Variants in PHACTR4 observed in about 807,000 individuals in gnomAD.
PHACTR4 encodes phosphatase and actin regulator 4.
Under a neutral mutation model 72.7 loss-of-function variants are expected in PHACTR4, and 51 were observed. The observed-to-expected ratio is 0.70, with a 90% CI of 0.56 to 0.89. The LOEUF is 0.89. PHACTR4 is among the 40% of genes least tolerant of loss of function. The pLI is 0.00. For missense variants in PHACTR4, 731 were observed against 861.8 expected (o/e 0.85, Z 1.90); for synonymous variants, 255 against 302.5 (o/e 0.84, Z 1.63).
At chr1:28,463,932 A>G (rs1402951251) in intron 4 of PHACTR4, among the ~76,000 whole-genome samples, 4 of 151,618 alleles carry the variant, frequency 2.6e-5, no homozygotes, top group South Asian at 2.1e-4. Context: ...GGGTCTTACT[A>G]TGTTTCGCAG....
rs1232823570 is a variant in PHACTR4, at chr1:28,438,416, A to G, written c.17-20669A>G. ...CAAGCTGATGTCTCCAGACCGGTAA[A>G]TCCAGATGCAGTTGGTGAGTAATAG... On this transcript the variant is annotated intron_variant, in intron 2 of 13. Transcript: ENST00000373839. 25 of 1,613,150 alleles carry G rather than the reference A, an allele frequency of 1.5e-5. No individual in the cohort carries two copies. Among genetic ancestry groups the G allele is most frequent in the Non-Finnish European group, 2.1e-5 (25 of 1,179,626 alleles).
rs1454692196 is a variant in PHACTR4 at position 28,473,938 on chromosome 1, T to C, written c.1208T>C (p.Phe403Ser). The part of the protein sequence containing the change: ...EVPKRILDQN[F>S]GEPHIPSRLP... ...CCCAAGAGGATACTGGACCAGAACTTTGGGGAGCCCCATATACCCTCTAGG... is the reference window on the plus strand; with the variant it reads ...CCCAAGAGGATACTGGACCAGAACTCTGGGGAGCCCCATATACCCTCTAGG... The change falls in exon 7 of 14, where the codon TTT (phenylalanine) becomes TCT (serine). Residue 403 changes from phenylalanine (F) to serine (S), a missense_variant. Phe to Ser is a radical substitution (Grantham distance 155, BLOSUM62 -2). Around this residue, in one of 2 missense-constraint regions of PHACTR4, gnomAD observed 621 missense variants for 676.6 expected, o/e 0.92. Transcript: ENST00000373839. 6.2e-7 allele frequency: 1 copy of C among 1,614,042 alleles called. No individual in the cohort carries two copies. The highest frequency in any genetic ancestry group is 8.5e-7 in the Non-Finnish European group (1 of 1,180,036).
chr1:28,411,124 G>A (rs1299514035), intron 2 of PHACTR4, among the ~76,000 whole-genome samples: 1 of 151,108 alleles, frequency 6.6e-6, no homozygotes, highest in Non-Finnish European at 1.5e-5. Flanking sequence ...TCGGCTCACT[G>A]CAACCTCCGC....
At chr1:28,370,181 G>A (rs935399360) in intron 1 of PHACTR4, among the ~76,000 whole-genome samples, 1 of 152,122 alleles carries the variant, frequency 6.6e-6, no homozygotes, top group Admixed American at 6.5e-5. Flanking sequence ...GTCCCCAACA[G>A]GGACTGCTCC....
intron 2 of PHACTR4, chr1:28,453,515 C>T: frequency 1.8e-6 from 1 of 563,804 alleles, no homozygotes; most frequent in Non-Finnish European, 3.2e-6. Context: ...AGTATATATA[C>T]ATAGGTGGTG....
intron 6 of PHACTR4, among the ~76,000 whole-genome samples, chr1:28,472,467 A>G (rs1659622939): frequency 6.6e-6 from 1 of 152,224 alleles, no homozygotes; most frequent in South Asian, 2.1e-4. Context: ...TAAAAATTCA[A>G]GATGTCAGTA....
At chr1:28,477,370 G>A (rs1659993540) in intron 8 of PHACTR4, among the ~76,000 whole-genome samples, 1 of 151,420 alleles carries the variant, frequency 6.6e-6, no homozygotes, top group Non-Finnish European at 1.5e-5. Context: ...GAGCCACTGT[G>A]CCCAGCTGCC....
At position 28,447,139 on chromosome 1, in the gene PHACTR4, G is replaced by A. The variant is rs1296191851; in HGVS notation, c.17-11946G>A. ...TAATTCTCCTGCCTTGGCCTCCTGAGTAGCTGGGACTACAGGCGCGTGCCA... is the reference window on the plus strand; with the variant it reads ...TAATTCTCCTGCCTTGGCCTCCTGAATAGCTGGGACTACAGGCGCGTGCCA... On this transcript the variant is annotated intron_variant, in intron 2 of 13. Coordinates refer to ENST00000373839, the MANE Select transcript of PHACTR4 (RefSeq NM_001048183.3). Among the ~76,000 whole-genome samples the A allele has an allele frequency of 2.0e-5, 3 of 151,734 alleles. No homozygotes were observed. In the East Asian group the frequency reaches 5.9e-4, roughly 30 times the overall value.
chr1:28,379,659 G>A (rs1386198920), intron 1 of PHACTR4, among the ~76,000 whole-genome samples: 7 of 148,990 alleles, frequency 4.7e-5, no homozygotes, highest in Admixed American at 2.0e-4. Context: ...GCACAATCTC[G>A]GCTCAGTGCC....
chr1:28,450,526 A>G (rs555804153), intron 2 of PHACTR4, among the ~76,000 whole-genome samples: 2 of 152,296 alleles, frequency 1.3e-5, no homozygotes, highest in Non-Finnish European at 2.9e-5. Context: ...CTTTATTAGT[A>G]TAAAACAAAT....
Position 28,369,758 on chromosome 1 carries a change from C to T in PHACTR4, c.-106C>T, listed in dbSNP as rs777672430. The T allele has an allele frequency of 2.2e-6, 1 of 447,108 alleles. No homozygotes were observed. The allele number at this position is 447,108 out of a possible 1,614,324, so 27.7% of individuals were successfully genotyped here. On this transcript the variant is annotated 5_prime_UTR_variant, in exon 1 of 14. Coordinates refer to ENST00000373839, the MANE Select transcript of PHACTR4 (RefSeq NM_001048183.3). ...AGGGCTCCGGCTGCTGCCTGGCGGC[C>T]AACGGGCCAGGTAGGATTTCCGGGA...
intron 6 of PHACTR4, among the ~76,000 whole-genome samples, chr1:28,472,760 C>T (rs1163111801): frequency 1.3e-5 from 2 of 150,806 alleles, no homozygotes; most frequent in African/African-American, 4.9e-5. Flanking sequence ...CCCACCACCA[C>T]ACCTAGCTAA....
chr1:28,381,008 A>ATT (rs201429851), intron 1 of PHACTR4, among the ~76,000 whole-genome samples: 3 of 142,568 alleles, frequency 2.1e-5, no homozygotes, highest in Non-Finnish European at 3.1e-5. Flanking sequence ...TATTTTTTGA[A>ATT]TTTTTTTTTT....
At chr1:28,442,462 CA>C (rs1337844147) in intron 2 of PHACTR4, among the ~76,000 whole-genome samples, 2 of 110,092 alleles carry the variant, frequency 1.8e-5, no homozygotes, top group East Asian at 2.1e-4. Context: ...GACTCTGTCT[CA>C]AAAAAAAAGA....
At chr1:28,483,725 G>A (rs563470738) in intron 9 of PHACTR4, among the ~76,000 whole-genome samples, 1 of 150,586 alleles carries the variant, frequency 6.6e-6, no homozygotes, top group African/African-American at 2.5e-5. Context: ...CATGAACCTG[G>A]GAGGTGGAGC....
rs141858886 is a variant in PHACTR4, at chr1:28,494,607, G to A, written c.2093+1516G>A. Among the ~76,000 whole-genome samples the A allele has an allele frequency of 3.2e-3, 490 of 152,322 alleles. 2 individuals carry two copies. Among genetic ancestry groups the A allele is most frequent in the African/African-American group, 0.011 (443 of 41,586 alleles). ...GCAGAGGTTGCAGTGAGCCGAGATC[G>A]CGCAACTGCGCTCCAACCTGGGCAA... On this transcript the variant is annotated intron_variant, in intron 13 of 13. Coordinates refer to ENST00000373839, the MANE Select transcript of PHACTR4 (RefSeq NM_001048183.3).
intron 2 of PHACTR4, among the ~76,000 whole-genome samples, chr1:28,410,763 A>G (rs1253378785): frequency 2.0e-5 from 3 of 151,940 alleles, no homozygotes; most frequent in Non-Finnish European, 4.4e-5. Flanking sequence ...CTGGAGTGCA[A>G]TGGCACAGTC....
chr1:28,374,204 G>A (rs1371238781), intron 1 of PHACTR4, among the ~76,000 whole-genome samples: 1 of 152,136 alleles, frequency 6.6e-6, no homozygotes, highest in Non-Finnish European at 1.5e-5. Flanking sequence ...CTCAGTTTTG[G>A]TTCCCCCTAA....
At position 28,450,974 on chromosome 1, in the gene PHACTR4, CT is replaced by C. The variant is rs1188704308; in HGVS notation, c.17-8091del. On this transcript the variant is annotated intron_variant, in intron 2 of 13. Coordinates refer to ENST00000373839, the MANE Select transcript of PHACTR4 (RefSeq NM_001048183.3). ...TACAGGCATGTACCACCACACCCAGCTTTTTTTTTTTTTTTTTTTTGTATTT... is the reference window on the plus strand; with the variant it reads ...TACAGGCATGTACCACCACACCCAGCTTTTTTTTTTTTTTTTTTTGTATTT... 4.5e-3 allele frequency among the ~76,000 whole-genome samples: 325 copies of C among 72,046 alleles called. 4 individuals are homozygous for C. The highest frequency in any genetic ancestry group is 0.019 in the South Asian group (57 of 2,968). The allele number at this position is 72,046 out of a possible 152,430, so 47.3% of individuals were successfully genotyped here.
Sources: gnomAD v4.1 joint callset for allele counts (sites outside exome capture counted in the v4.1 genomes callset) on GRCh38, gnomAD v4.1.1 for gene constraint, gnomAD v4.1.1 regional missense constraint, MANE v1.5 for transcripts, NCBI Gene and HGNC (gene_info 2026-07-23, HGNC 2026-07-21) for gene names.